The following TMC1 variants were observed in gnomAD, a reference collection of about 807,000 sequenced individuals.
TMC1 encodes transmembrane channel-like protein 1.
TMC1 carries 84 observed loss-of-function variants against 105.8 expected under a neutral mutation model. The ratio of observed to expected loss-of-function variants is 0.79; its 90% CI spans 0.67 to 0.95. TMC1 has a LOEUF of 0.95. Among genes scored for constraint, TMC1 ranks in the 40% least tolerant of loss-of-function variants. TMC1 has a pLI of 0.00. For missense variants in TMC1, 817 were observed against 914.1 expected, an observed-to-expected ratio of 0.89 and a Z score of 1.37; for synonymous variants, 315 against 311.5, an observed-to-expected ratio of 1.01 and a Z score of -0.12.
intron 1 of TMC1, among the ~76,000 whole-genome samples, chr9:72,556,981 T>A (rs1433698756): frequency 6.6e-6 from 1 of 152,194 alleles, no homozygotes; most frequent in Non-Finnish European, 1.5e-5. Context: ...AGGCCAGGGA[T>A]GCTGCTGAAC....
chr9:72,593,712 T>TAA (rs201537708), intron 2 of TMC1, among the ~76,000 whole-genome samples: 1 of 149,536 alleles, frequency 6.7e-6, no homozygotes, highest in African/African-American at 2.5e-5. Flanking sequence ...CATTTCTATT[T>TAA]TAAAAAAAAA....
At chr9:72,730,783 G>C (rs984303992) in intron 8 of TMC1, among the ~76,000 whole-genome samples, 1 of 152,170 alleles carries the variant, frequency 6.6e-6, no homozygotes, top group Admixed American at 6.5e-5. Flanking sequence ...TCCCATCTGG[G>C]GGTGATGGGA....
chr9:72,589,453 T>C (rs897578411), intron 2 of TMC1, among the ~76,000 whole-genome samples: 1 of 152,258 alleles, frequency 6.6e-6, no homozygotes, highest in Admixed American at 6.5e-5. Flanking sequence ...ATTTTTTCTA[T>C]TAAATGTATA....
At chr9:72,822,515 TGTG>T (rs1357232352) in intron 20 of TMC1, among the ~76,000 whole-genome samples, 23 of 21,224 alleles carry the variant, frequency 1.1e-3, no homozygotes, top group Middle Eastern at 0.02. Flanking sequence ...TTAATTCCGT[TGTG>T]TGTGTGTGTG....
intron 4 of TMC1, among the ~76,000 whole-genome samples, chr9:72,634,103 C>G (rs192537885): frequency 6.6e-6 from 1 of 152,172 alleles, no homozygotes; most frequent in Non-Finnish European, 1.5e-5. Flanking sequence ...GACTAGGGAA[C>G]GAGTGCTGCT....
intron 5 of TMC1, chr9:72,651,091 A>C (rs1825807991): frequency 6.8e-6 from 1 of 147,306 alleles, no homozygotes; most frequent in Non-Finnish European, 1.5e-5. Flanking sequence ...AAATATATAG[A>C]TATATATATC....
At chr9:72,531,470 T>C (rs1266400972) in intron 1 of TMC1, among the ~76,000 whole-genome samples, 1 of 152,208 alleles carries the variant, frequency 6.6e-6, no homozygotes, top group Non-Finnish European at 1.5e-5. Context: ...CTCAGGATGA[T>C]GTTAATTGAA....
At chr9:72,621,774 G>A (rs1825254252) in intron 3 of TMC1, among the ~76,000 whole-genome samples, 2 of 151,360 alleles carry the variant, frequency 1.3e-5, no homozygotes, top group Admixed American at 6.6e-5. Context: ...TACTCTCCTC[G>A]GGTGAACATA....
intron 8 of TMC1, among the ~76,000 whole-genome samples, chr9:72,709,210 A>G (rs959359555): frequency 2.6e-5 from 4 of 152,114 alleles, no homozygotes; most frequent in African/African-American, 9.7e-5. Context: ...ATGGTATGAA[A>G]TTCACTTGAT....
At chr9:72,617,937 GTGTGTGTGTGTGTA>G (rs1825164763) in intron 3 of TMC1, among the ~76,000 whole-genome samples, 1 of 139,996 alleles carries the variant, frequency 7.1e-6, no homozygotes, top group Non-Finnish European at 1.6e-5. Context: ...GTGTGTGTGT[GTGTGTGTGTGTGTA>G]TGTGTGATTT....
intron 1 of TMC1, among the ~76,000 whole-genome samples, chr9:72,544,939 C>G (rs1587948074): frequency 1.3e-5 from 2 of 151,960 alleles, no homozygotes; most frequent in Admixed American, 1.3e-4. Flanking sequence ...CCTTCACCCC[C>G]CCAAGTCTTT....
intron 5 of TMC1, among the ~76,000 whole-genome samples, chr9:72,670,212 A>G (rs991961980): frequency 1.3e-5 from 2 of 152,292 alleles, no homozygotes; most frequent in African/African-American, 4.8e-5. Flanking sequence ...AGAGGGACAA[A>G]TCCTTAGAAT....
chr9:72,666,050 G>A (rs1040513825), intron 5 of TMC1, among the ~76,000 whole-genome samples: 1 of 152,148 alleles, frequency 6.6e-6, no homozygotes, highest in African/African-American at 2.4e-5. Context: ...CTACATAAAT[G>A]TTTTAGTGAG....
intron 3 of TMC1, among the ~76,000 whole-genome samples, chr9:72,617,224 C>T (rs1825148959): frequency 6.6e-6 from 1 of 151,992 alleles, no homozygotes; most frequent in African/African-American, 2.4e-5. Flanking sequence ...TGCAGGGGTG[C>T]TATCTCGGCT....
In TMC1 at chr9:72,836,029, G is replaced by T. The variant is rs768332156; in HGVS notation, c.*56G>T. ...CTTTGCCTTGCTGTTTAAAAGTAAT[G>T]CAATATGTGAACGCCCAGAGAACAA... On this transcript the variant is annotated 3_prime_UTR_variant, in exon 24 of 24. Transcript: ENST00000297784. 2.0e-6 allele frequency: 3 copies of T among 1,537,834 alleles called. No individual in the cohort carries two copies. The highest frequency in any genetic ancestry group is 1.7e-4 in the Middle Eastern group (1 of 5,736).
At chr9:72,777,618 G>T (rs1828026743) in intron 13 of TMC1, among the ~76,000 whole-genome samples, 1 of 152,156 alleles carries the variant, frequency 6.6e-6, no homozygotes, top group African/African-American at 2.4e-5. Flanking sequence ...TGAAAGACAT[G>T]AAGTCACCAC....
chr9:72,640,639 G>T (rs4745192), intron 4 of TMC1, among the ~76,000 whole-genome samples: 48 of 146,630 alleles, frequency 3.3e-4, no homozygotes, highest in African/African-American at 1.1e-3. Context: ...TTTGTTTTTT[G>T]TTTTTTTTTT....
chr9:72,805,245 A>T (rs1397335821), intron 17 of TMC1, 137 bp from the exon 18 acceptor site: 1 of 752,570 alleles, frequency 1.3e-6, no homozygotes, highest in Admixed American at 2.1e-5. Flanking sequence ...ACTTGATATG[A>T]CTAGTTGTTT....
chr9:72,618,894 C>T (rs1288603579), intron 3 of TMC1, among the ~76,000 whole-genome samples: 1 of 152,108 alleles, frequency 6.6e-6, no homozygotes, highest in African/African-American at 2.4e-5. Flanking sequence ...AATGTGTTTT[C>T]TTTTAAAAAA....
Sources: allele counts gnomAD v4.1 joint callset (sites outside exome capture counted in the v4.1 genomes callset), GRCh38; gene constraint gnomAD v4.1.1; transcripts MANE v1.5; gene names NCBI Gene and HGNC (gene_info 2026-07-23, HGNC 2026-07-21).